PHF24: variants seen among roughly 807,000 people sequenced by gnomAD.
PHF24 encodes the protein PHD finger protein 24, also known as Galpha inhibitory interacting protein.
Under a neutral mutation model 42.6 loss-of-function variants are expected in PHF24, and 25 were observed. The observed-to-expected ratio is 0.59, with a 90% CI of 0.43 to 0.82. PHF24 has a LOEUF of 0.82. Among genes scored for constraint, PHF24 ranks in the 40% least tolerant of loss-of-function variants. The pLI is 0.00. For synonymous variants in PHF24, 185 were observed against 204.8 expected, an observed-to-expected ratio of 0.90 and a Z score of 0.83; for missense variants, 470 against 538.1, an observed-to-expected ratio of 0.87 and a Z score of 1.25.
chr9:34,775,098 G>A, the PHF24 span, among the ~76,000 whole-genome samples: 4,117 of 152,150 alleles, frequency 0.027, 112 homozygotes, highest in African/African-American at 0.068. Context: ...AGAGATATTC[G>A]TACATCCATT....
the PHF24 span, among the ~76,000 whole-genome samples, chr9:34,867,341 A>G: frequency 2.4e-4 from 36 of 152,220 alleles, no homozygotes; most frequent in Non-Finnish European, 7.4e-5. Context: ...CTTCTTTTAT[A>G]AACATTTGCT....
At chr9:34,967,965 G>A (rs1826837816) in intron 1 of PHF24, among the ~76,000 whole-genome samples, 1 of 152,074 alleles carries the variant, frequency 6.6e-6, no homozygotes, top group Non-Finnish European at 1.5e-5. Flanking sequence ...TAGAACAGGG[G>A]ACCCAAAACA....
At chr9:34,863,776 A>G in the PHF24 span, among the ~76,000 whole-genome samples, 1 of 152,242 alleles carries the variant, frequency 6.6e-6, no homozygotes, top group South Asian at 2.1e-4. Context: ...CCAGGACAAC[A>G]TGACCTCACC....
At chr9:34,701,123 C>T in the PHF24 span, among the ~76,000 whole-genome samples, 2 of 152,208 alleles carry the variant, frequency 1.3e-5, no homozygotes, top group Non-Finnish European at 2.9e-5. This position sits in a 1 kb window ranked among gnomAD's most constrained non-coding sequence, Gnocchi z 5.8. Flanking sequence ...TCAACCCATT[C>T]AGCCCAGCCT....
the PHF24 span, chr9:34,723,537 T>TG: frequency 2.6e-6 from 4 of 1,551,796 alleles, no homozygotes; most frequent in Non-Finnish European, 3.5e-6. Context: ...GCTGAGAACA[T>TG]GGAGTCCTCA....
chr9:34,705,487 T>G, the PHF24 span, among the ~76,000 whole-genome samples: 1 of 152,172 alleles, frequency 6.6e-6, no homozygotes, highest in African/African-American at 2.4e-5. Flanking sequence ...GGTCTCATTG[T>G]GTTGCCCAGG....
At chr9:34,687,272 C>G in the PHF24 span, among the ~76,000 whole-genome samples, 2 of 152,164 alleles carry the variant, frequency 1.3e-5, no homozygotes, top group Non-Finnish European at 2.9e-5. Context: ...GCCTCAGCAT[C>G]TCCTTTGATC....
chr9:34,946,791 A>G, the PHF24 span, among the ~76,000 whole-genome samples: 1 of 152,326 alleles, frequency 6.6e-6, no homozygotes, highest in African/African-American at 2.4e-5. Context: ...GATCCAGACC[A>G]GGGTGATGAA....
At chr9:34,673,631 T>G in the PHF24 span, among the ~76,000 whole-genome samples, 1 of 151,140 alleles carries the variant, frequency 6.6e-6, no homozygotes, top group Non-Finnish European at 1.5e-5. Context: ...TAATTTTTTT[T>G]TTTTTTTTGA....
chr9:34,936,358 C>G, the PHF24 span, among the ~76,000 whole-genome samples: 3 of 152,346 alleles, frequency 2.0e-5, no homozygotes, highest in South Asian at 2.1e-4. Flanking sequence ...GACGGAGTCT[C>G]GTTCACTCAG....
chr9:34,675,023 A>C, the PHF24 span, among the ~76,000 whole-genome samples: 1 of 151,850 alleles, frequency 6.6e-6, no homozygotes, highest in Non-Finnish European at 1.5e-5. Flanking sequence ...CACCCCACTA[A>C]TTTTTTGTAT....
At chr9:34,935,973 T>C in the PHF24 span, among the ~76,000 whole-genome samples, 1 of 151,288 alleles carries the variant, frequency 6.6e-6, no homozygotes, top group Non-Finnish European at 1.5e-5. Context: ...GTGCCAAGTA[T>C]CTAGGGTGAA....
chr9:34,938,798 G>A, the PHF24 span, among the ~76,000 whole-genome samples: 1,194 of 151,568 alleles, frequency 7.9e-3, 13 homozygotes, highest in African/African-American at 0.027. Flanking sequence ...TTAGTCAGGC[G>A]TGGTGGCGGG....
At chr9:34,784,241 T>C in the PHF24 span, among the ~76,000 whole-genome samples, 2 of 152,222 alleles carry the variant, frequency 1.3e-5, no homozygotes, top group African/African-American at 4.8e-5. Flanking sequence ...TATGGTTTTG[T>C]ATGTGCACAA....
At chr9:34,924,856 C>T in the PHF24 span, among the ~76,000 whole-genome samples, 9 of 152,078 alleles carry the variant, frequency 5.9e-5, no homozygotes, top group African/African-American at 2.2e-4. Context: ...TCCTTACCAC[C>T]TCTCTTATTG....
chr9:34,935,011 G>C, the PHF24 span, among the ~76,000 whole-genome samples: 1 of 152,138 alleles, frequency 6.6e-6, no homozygotes, highest in Admixed American at 6.5e-5. Flanking sequence ...ATAAAGGAAA[G>C]GACTGAGCCC....
At chr9:34,960,916 G>C (rs1294078087) in intron 1 of PHF24, among the ~76,000 whole-genome samples, 3 of 152,162 alleles carry the variant, frequency 2.0e-5, no homozygotes, top group African/African-American at 7.2e-5. Flanking sequence ...GAAATAAAAG[G>C]GGAGAGAACG....
At chr9:34,729,169 G>A in the PHF24 span, 6 of 1,242,202 alleles carry the variant, frequency 4.8e-6, no homozygotes, top group Non-Finnish European at 6.6e-6. Context: ...ATTACACAAA[G>A]GTAACTGAAA....
At chr9:34,867,256 G>A in the PHF24 span, among the ~76,000 whole-genome samples, 1 of 152,158 alleles carries the variant, frequency 6.6e-6, no homozygotes, top group Non-Finnish European at 1.5e-5. Flanking sequence ...CTCTGCACTA[G>A]GTCCCTGATG....
Sources: allele counts gnomAD v4.1 joint callset (sites outside exome capture counted in the v4.1 genomes callset), GRCh38; gene constraint gnomAD v4.1.1; non-coding constraint Gnocchi (gnomAD v3.1); transcripts MANE v1.5; gene names NCBI Gene and HGNC (gene_info 2026-07-23, HGNC 2026-07-21).